LRRC37A2: variants seen among roughly 807,000 people sequenced by gnomAD.
LRRC37A2 encodes leucine-rich repeat-containing protein 37A2.
LRRC37A2 carries 9 observed loss-of-function variants against 68.8 expected under a neutral mutation model. That is an observed-to-expected ratio of 0.13 (90% confidence interval 0.08 to 0.23). LRRC37A2 has a LOEUF of 0.23. Ranked by LOEUF, LRRC37A2 falls within the 10% of genes least tolerant of loss-of-function variation. The probability of loss-of-function intolerance (pLI) is 1.00; values close to 1 mark genes in which losing one functional copy is unlikely to be tolerated. For synonymous variants in LRRC37A2, 63 were observed against 367.6 expected (o/e 0.17, Z 9.48); for missense variants, 168 against 950.4 (o/e 0.18, Z 10.82).
At chr17:46,980,851 TAAAATAAA>T in the LRRC37A2 span, among the ~76,000 whole-genome samples, 67 of 150,984 alleles carry the variant, frequency 4.4e-4, no homozygotes, top group Admixed American at 4.0e-3. Context: ...TAAAATAAAA[TAAAATAAA>T]AAAAGAAAAA....
At chr17:46,846,736 G>T in the LRRC37A2 span, among the ~76,000 whole-genome samples, 2 of 152,220 alleles carry the variant, frequency 1.3e-5, no homozygotes, top group African/African-American at 4.8e-5. Context: ...AAGAGAAGGT[G>T]GGTCCCACAC....
the LRRC37A2 span, chr17:46,937,062 C>T: frequency 6.5e-6 from 1 of 152,676 alleles, no homozygotes; most frequent in African/African-American, 2.4e-5. Flanking sequence ...TCTGCCCCGG[C>T]ATTCACTTAT....
At chr17:46,851,801 G>A in the LRRC37A2 span, 3 of 672,408 alleles carry the variant, frequency 4.5e-6, no homozygotes, top group Admixed American at 8.9e-5. The surrounding 1 kb of genome is among the most constrained non-coding windows in gnomAD (Gnocchi z 4.3). Flanking sequence ...TTTCCCTCCC[G>A]CTGTCCTTGG....
the LRRC37A2 span, among the ~76,000 whole-genome samples, chr17:46,897,478 T>C: frequency 1.3e-5 from 2 of 152,168 alleles, no homozygotes; most frequent in Non-Finnish European, 2.9e-5. Context: ...AGAGCTGCCA[T>C]AAACTAGAAC....
At chr17:46,721,709 A>G in the LRRC37A2 span, 14 of 1,607,122 alleles carry the variant, frequency 8.7e-6, no homozygotes, top group Non-Finnish European at 9.4e-6. Context: ...AACCTTTATG[A>G]GCCGGCTGCT....
chr17:46,823,881 T>A, the LRRC37A2 span, among the ~76,000 whole-genome samples: 38 of 150,578 alleles, frequency 2.5e-4, no homozygotes, highest in Non-Finnish European at 5.2e-4. Context: ...ACTTTCCACC[T>A]TGTAGGGAGC....
chr17:46,924,549 G>A, the LRRC37A2 span: 12 of 152,254 alleles, frequency 7.9e-5, no homozygotes, highest in South Asian at 2.1e-3. Flanking sequence ...CACTCCCAAG[G>A]CCTGGAAATG....
the LRRC37A2 span, among the ~76,000 whole-genome samples, chr17:46,802,923 G>A: frequency 6.6e-6 from 1 of 152,178 alleles, no homozygotes. Context: ...TGGAACCCAA[G>A]GAGGAAGTCA....
chr17:46,413,481 TACACACACAC>T, the LRRC37A2 span, among the ~76,000 whole-genome samples: 19 of 24,764 alleles, frequency 7.7e-4, 5 homozygotes, highest in South Asian at 2.8e-3. Context: ...TCTCTCTCTG[TACACACACAC>T]ACACACACAC....
the LRRC37A2 span, chr17:46,751,642 C>T: frequency 1.4e-6 from 2 of 1,456,022 alleles, no homozygotes; most frequent in South Asian, 1.2e-5. Flanking sequence ...CTCCGTATGA[C>T]TCAGACAGAA....
chr17:46,495,815 ATTGT>A, the LRRC37A2 span, among the ~76,000 whole-genome samples: 1 of 134,382 alleles, frequency 7.4e-6, no homozygotes, highest in Non-Finnish European at 1.5e-5. Context: ...TTTAAAACGT[ATTGT>A]TTAATTTTCA....
chr17:46,406,096 T>C, the LRRC37A2 span, among the ~76,000 whole-genome samples: 1 of 70,352 alleles, frequency 1.4e-5, no homozygotes, highest in African/African-American at 5.8e-5. Context: ...CTTTTGATAA[T>C]ATACATAAAA....
chr17:46,773,984 T>G, the LRRC37A2 span: 1 of 1,557,648 alleles, frequency 6.4e-7, no homozygotes, highest in South Asian at 1.2e-5. Flanking sequence ...GGCCGCTTTG[T>G]GAACCCTCCG....
the LRRC37A2 span, among the ~76,000 whole-genome samples, chr17:46,734,441 T>G: frequency 6.6e-6 from 1 of 152,140 alleles, no homozygotes; most frequent in Non-Finnish European, 1.5e-5. Context: ...TCTTAGTAAG[T>G]CAGTGACATT....
chr17:46,492,312 C>T, the LRRC37A2 span, among the ~76,000 whole-genome samples: 2 of 150,908 alleles, frequency 1.3e-5, no homozygotes, highest in African/African-American at 5.0e-5. Context: ...TATACGTGTA[C>T]AGTGCATAAT....
the LRRC37A2 span, among the ~76,000 whole-genome samples, chr17:46,460,602 G>T: frequency 1.8e-5 from 1 of 56,668 alleles, no homozygotes; most frequent in African/African-American, 8.1e-5. Flanking sequence ...AGACAAGACA[G>T]ATTTTTGGCA....
At chr17:46,501,163 C>A in the LRRC37A2 span, among the ~76,000 whole-genome samples, 842 of 151,260 alleles carry the variant, frequency 5.6e-3, 14 homozygotes, top group Middle Eastern at 0.027. Context: ...TAGCTAGGTA[C>A]AAGCCACCAT....
chr17:46,867,527 G>A, the LRRC37A2 span, among the ~76,000 whole-genome samples: 1 of 152,232 alleles, frequency 6.6e-6, no homozygotes, highest in Non-Finnish European at 1.5e-5. Context: ...AGATCCTTGG[G>A]CCCCACTCTC....
At chr17:46,916,263 ACTGGGTT>A in the LRRC37A2 span, among the ~76,000 whole-genome samples, 2 of 152,200 alleles carry the variant, frequency 1.3e-5, no homozygotes, top group African/African-American at 4.8e-5. Flanking sequence ...CTCATGAGAT[ACTGGGTT>A]GGTTTTAAGC....
Sources: gnomAD v4.1 joint callset for allele counts (sites outside exome capture counted in the v4.1 genomes callset) on GRCh38, gnomAD v4.1.1 for gene constraint, Gnocchi (gnomAD v3.1) non-coding constraint, MANE v1.5 for transcripts, NCBI Gene and HGNC (gene_info 2026-07-23, HGNC 2026-07-21) for gene names.